The following LRRC8E variants were observed in gnomAD, a reference collection of about 807,000 sequenced individuals.
LRRC8E encodes volume-regulated anion channel subunit LRRC8E.
LRRC8E carries 6 observed loss-of-function variants against 6.1 expected under a neutral mutation model. The ratio of observed to expected loss-of-function variants is 0.98; its 90% confidence interval spans 0.54 to 1.93. The LOEUF is 1.93. LRRC8E is among the 30% of genes most tolerant of loss of function. The pLI, the probability that LRRC8E is intolerant of heterozygous loss-of-function variation, is 0.01. For missense variants in LRRC8E, 1,028 were observed against 1,031.4 expected, an observed-to-expected ratio of 1.00 and a Z score of 0.04; for synonymous variants, 485 against 472.8, an observed-to-expected ratio of 1.03 and a Z score of -0.33.
At chr19:7,889,312 T>A (rs1981180002) in intron 1 of LRRC8E, among the ~76,000 whole-genome samples, 1 of 151,810 alleles carries the variant, frequency 6.6e-6, no homozygotes, top group Non-Finnish European at 1.5e-5. Flanking sequence ...ATTAGTGGCG[T>A]GTCCCTGTAG....
At chr19:7,889,034 G>T (rs1478393049) in intron 1 of LRRC8E, among the ~76,000 whole-genome samples, 1 of 152,140 alleles carries the variant, frequency 6.6e-6, no homozygotes, top group African/African-American at 2.4e-5. Context: ...CTTCAAGTCT[G>T]CTGGCAGAGG....
chr19:7,898,738 G>C lies in LRRC8E; in HGVS notation c.216G>C (p.Leu72Phe). ...ENLSEAPCQQLLPRGIPEQIG... is the reference protein window; with the variant it reads ...ENLSEAPCQQFLPRGIPEQIG... Reference sequence around the variant, plus strand: ...TATCAGAGGCCCCGTGCCAGCAATTGCTGCCTCGGGGGATCCCTGAGCAGA... The same window carrying C: ...TATCAGAGGCCCCGTGCCAGCAATTCCTGCCTCGGGGGATCCCTGAGCAGA... The change falls in exon 3 of 3, where the codon TTG becomes TTC. Residue 72 changes from leucine (L) to phenylalanine (F), a missense_variant. Leu to Phe is a conservative substitution (Grantham distance 22). Transcript: ENST00000306708. The C allele has an allele frequency of 1.2e-6, 2 of 1,614,022 alleles. No individual in the cohort carries two copies. The highest frequency in any genetic ancestry group is 1.7e-6 in the Non-Finnish European group (2 of 1,179,970).
intron 1 of LRRC8E, among the ~76,000 whole-genome samples, chr19:7,891,507 A>T (rs1433528284): frequency 6.7e-6 from 1 of 149,116 alleles, no homozygotes. Context: ...CAAGGACAGG[A>T]AGTTGGTCCC....
intron 1 of LRRC8E, among the ~76,000 whole-genome samples, chr19:7,891,201 T>G (rs1182547002): frequency 6.6e-6 from 1 of 152,200 alleles, no homozygotes; most frequent in East Asian, 1.9e-4. Context: ...AATGAGGCAT[T>G]CAGTGTCTGG....
Position 7,895,783 on chromosome 19 carries a change from G to A in LRRC8E, c.138+42G>A, listed in dbSNP as rs1417555793. The A allele has an allele frequency of 5.6e-6, 9 of 1,597,968 alleles. No individual in the cohort carries two copies. The highest frequency in any genetic ancestry group is 1.3e-5 in the African/African-American group (1 of 74,568). Reference sequence around the variant, plus strand: ...GCAAGGGGGTGTGACCAGAGGGGCGGGGCAGGTGTCTGGGGAAGTCGGGAA... The same window carrying A: ...GCAAGGGGGTGTGACCAGAGGGGCGAGGCAGGTGTCTGGGGAAGTCGGGAA... On this transcript the variant is annotated intron_variant, in intron 2 of 2. Coordinates refer to ENST00000306708, the MANE Select transcript of LRRC8E (RefSeq NM_025061.6). This position sits in a 1 kb window ranked among gnomAD's most constrained non-coding sequence, Gnocchi z 4.7.
chr19:7,895,459 GCA>G lies in LRRC8E; in HGVS notation c.-5-134_-5-133del, dbSNP rs1981527995. 4 of 993,850 alleles carry G rather than the reference GCA, an allele frequency of 4.0e-6. No individual in the cohort carries two copies. In the South Asian group the frequency reaches 6.1e-5, roughly 15 times the overall value. The allele number at this position is 993,850 out of a possible 1,614,324, so 61.6% of individuals were successfully genotyped here. A position where few individuals can be genotyped will look rare whatever the true frequency, so the allele number is the denominator to read the frequency against. Reference sequence around the variant, plus strand: ...AGGCCAGGCTAAGAGGGAAGTGGGGGCACACACTTTGGTGGTTTGGACAAGTT... The same window carrying G: ...AGGCCAGGCTAAGAGGGAAGTGGGGGCACACTTTGGTGGTTTGGACAAGTT... On this transcript the variant is annotated intron_variant, in intron 1 of 2. Transcript: ENST00000306708. The surrounding 1 kb of genome is among the most constrained non-coding windows in gnomAD (Gnocchi z 4.7).
rs752044783 is a variant in LRRC8E, at chr19:7,899,032, C to T, written c.510C>T (p.Ser170=). 20 of 1,613,588 alleles carry T rather than the reference C, an allele frequency of 1.2e-5. No homozygotes were observed. In the South Asian group the frequency reaches 1.6e-4, roughly 13 times the overall value. ...PWTTRALSEV[S]GENQKGPAAT... ...CCACCAGGGCCCTATCCGAGGTCTCCGGGGAGAACCAGAAGGGCCCAGCAG... is the reference window on the plus strand; with the variant it reads ...CCACCAGGGCCCTATCCGAGGTCTCTGGGGAGAACCAGAAGGGCCCAGCAG... The change falls in exon 3 of 3, where the codon TCC becomes TCT. Residue 170 remains serine, a synonymous_variant. Transcript: ENST00000306708.
Position 7,895,763 on chromosome 19 carries a change from G to T in LRRC8E, c.138+22G>T, listed in dbSNP as rs1259917405. On this transcript the variant is annotated intron_variant, in intron 2 of 2. Transcript: ENST00000306708. This position sits in a 1 kb window ranked among gnomAD's most constrained non-coding sequence, Gnocchi z 4.7. ...CCAGGTGAGGCCCTCCCCTGGCAAGGGGGTGTGACCAGAGGGGCGGGGCAG... is the reference window on the plus strand; with the variant it reads ...CCAGGTGAGGCCCTCCCCTGGCAAGTGGGTGTGACCAGAGGGGCGGGGCAG... 6.2e-7 allele frequency: 1 copy of T among 1,609,188 alleles called. No individual in the cohort carries two copies. Among genetic ancestry groups the T allele is most frequent in the African/African-American group, 1.3e-5 (1 of 74,788 alleles).
chr19:7,900,233 C>T lies in LRRC8E; in HGVS notation c.1711C>T (p.Arg571Cys), dbSNP rs772738488. ...QRLSLHNDGA[R>C]LVALNSLKKL... Reference sequence around the variant, plus strand: ...GCTCAGCCTGCACAACGATGGGGCCCGTCTGGTTGCCCTGAACAGCCTCAA... The same window carrying T: ...GCTCAGCCTGCACAACGATGGGGCCTGTCTGGTTGCCCTGAACAGCCTCAA... The change falls in exon 3 of 3, where the codon CGT (arginine) becomes TGT (cysteine). Residue 571 changes from arginine (R) to cysteine (C), a missense_variant. By Grantham distance (180) the Arg-to-Cys change is radical (BLOSUM62 -3). Coordinates refer to ENST00000306708, the MANE Select transcript of LRRC8E (RefSeq NM_025061.6). This position sits in a 1 kb window ranked among gnomAD's most constrained non-coding sequence, Gnocchi z 5.0. The T allele has an allele frequency of 5.6e-6, 9 of 1,613,226 alleles. No homozygotes were observed. Among genetic ancestry groups the T allele is most frequent in the South Asian group, 2.2e-5 (2 of 91,074 alleles).
rs1411607721 is a variant in LRRC8E at position 7,901,484 on chromosome 19, C to T, written c.*571C>T. 3 of 152,286 alleles carry T rather than the reference C, an allele frequency of 2.0e-5. No individual in the cohort carries two copies. The highest frequency in any genetic ancestry group is 4.4e-5 in the Non-Finnish European group (3 of 68,114). 9.4% of individuals were successfully genotyped at this position (152,286 alleles called of 1,614,324 possible). A position where few individuals can be genotyped will look rare whatever the true frequency, so the allele number is the denominator to read the frequency against. ...AGTCCCCTCCCCTGAAACACTGACT[C>T]AGGAGGTTTGGTTGGGGGCCAGGAG... On this transcript the variant is annotated 3_prime_UTR_variant, in exon 3 of 3. Coordinates refer to ENST00000306708, the MANE Select transcript of LRRC8E (RefSeq NM_025061.6).
chr19:7,901,023 G>GGGC lies in LRRC8E; in HGVS notation c.*112_*113insCGG. ...AAGTGGGTCCAGGCCAGGAGATGGG[G>GGGC]GGGGCGGGGGCAGCTGTGTCATCTT... On this transcript the variant is annotated 3_prime_UTR_variant, in exon 3 of 3. Coordinates refer to ENST00000306708, the MANE Select transcript of LRRC8E (RefSeq NM_025061.6). 1 of 693,218 alleles carries GGGC rather than the reference G, an allele frequency of 1.4e-6. No homozygotes were observed. The highest frequency in any genetic ancestry group is 1.9e-5 in the African/African-American group (1 of 53,574). 42.9% of individuals were successfully genotyped at this position (693,218 alleles called of 1,614,324 possible).
intron 1 of LRRC8E, among the ~76,000 whole-genome samples, chr19:7,889,620 G>A (rs1171735581): frequency 6.6e-6 from 1 of 151,946 alleles, no homozygotes; most frequent in Non-Finnish European, 1.5e-5. Context: ...GCACGCACCT[G>A]TGGTCCCAGC....
intron 1 of LRRC8E, among the ~76,000 whole-genome samples, chr19:7,892,713 C>T (rs922248064): frequency 5.3e-5 from 8 of 152,280 alleles, no homozygotes; most frequent in Admixed American, 2.0e-4. Flanking sequence ...TTGGTGGGTG[C>T]AATGTACATA....
Position 7,900,039 on chromosome 19 carries a change from T to TG in LRRC8E, c.1518dup (p.Arg507AlafsTer105), listed in dbSNP as rs1981878988. 6.2e-7 allele frequency: 1 copy of TG among 1,610,718 alleles called. No homozygotes were observed. Among genetic ancestry groups the TG allele is most frequent in the African/African-American group, 1.3e-5 (1 of 74,928 alleles). ...GAGGTGCCGCTTTGGGTGTTTGGGCTGCGGGGCTTGGAGGAGCTGCACCTG... is the reference window on the plus strand; with the variant it reads ...GAGGTGCCGCTTTGGGTGTTTGGGCTGGCGGGGCTTGGAGGAGCTGCACCTG... On this transcript the variant is annotated frameshift_variant, in exon 3 of 3. Transcript: ENST00000306708. LOFTEE classifies it low-confidence loss of function (END_TRUNC). This position sits in a 1 kb window ranked among gnomAD's most constrained non-coding sequence, Gnocchi z 5.0.
chr19:7,891,890 G>C (rs576656798), intron 1 of LRRC8E, among the ~76,000 whole-genome samples: 1 of 151,888 alleles, frequency 6.6e-6, no homozygotes, highest in Non-Finnish European at 1.5e-5. Context: ...GATTACAGGC[G>C]AGAGCCACCG....
chr19:7,894,325 A>C (rs1981466658), intron 1 of LRRC8E, among the ~76,000 whole-genome samples: 1 of 152,172 alleles, frequency 6.6e-6, no homozygotes, highest in South Asian at 2.1e-4. Flanking sequence ...TCCCCGGATC[A>C]AGACCCTCCC....
At position 7,895,452 on chromosome 19, in the gene LRRC8E, A is replaced by C; in HGVS notation, c.-5-147A>C. The C allele has an allele frequency of 1.1e-6, 1 of 913,498 alleles. No individual in the cohort carries two copies. Among genetic ancestry groups the C allele is most frequent in the Non-Finnish European group, 1.7e-6 (1 of 595,260 alleles). 56.6% of individuals were successfully genotyped at this position (913,498 alleles called of 1,614,324 possible). ...GTGACTAAGGCCAGGCTAAGAGGGA[A>C]GTGGGGGCACACACTTTGGTGGTTT... On this transcript the variant is annotated intron_variant, in intron 1 of 2. Coordinates refer to ENST00000306708, the MANE Select transcript of LRRC8E (RefSeq NM_025061.6). This position sits in a 1 kb window ranked among gnomAD's most constrained non-coding sequence, Gnocchi z 4.7.
intron 1 of LRRC8E, among the ~76,000 whole-genome samples, chr19:7,891,952 T>C (rs1283757877): frequency 1.3e-5 from 2 of 151,746 alleles, no homozygotes; most frequent in East Asian, 3.9e-4. Context: ...GATAGGGTCT[T>C]GCCCAGGCTG....
Position 7,899,826 on chromosome 19 carries a change from A to G in LRRC8E, c.1304A>G (p.Glu435Gly), listed in dbSNP as rs764128332. The G allele has an allele frequency of 2.7e-5, 44 of 1,606,624 alleles. No individual in the cohort carries two copies. The highest frequency in any genetic ancestry group is 3.6e-5 in the Non-Finnish European group (42 of 1,179,932). ...MLPGLPDTVF[E>G]LSEVESLRLE... ...CCGGGTCTGCCCGACACCGTCTTTG[A>G]GCTCAGTGAGGTGGAGTCACTCAGG... The change falls in exon 3 of 3, where the codon GAG (glutamate) becomes GGG (glycine). Residue 435 changes from glutamate to glycine, a missense_variant. Coordinates refer to ENST00000306708, the MANE Select transcript of LRRC8E (RefSeq NM_025061.6).
Sources: allele counts gnomAD v4.1 joint callset (sites outside exome capture counted in the v4.1 genomes callset), GRCh38; gene constraint gnomAD v4.1.1; non-coding constraint Gnocchi (gnomAD v3.1); transcripts MANE v1.5; gene names NCBI Gene and HGNC (gene_info 2026-07-23, HGNC 2026-07-21).